Variants in CLASP1 observed in about 807,000 individuals in gnomAD.
The protein encoded by CLASP1 is cytoplasmic linker associated protein 1.
A neutral mutation model predicts 192.3 loss-of-function variants in CLASP1; 38 were observed. The observed-to-expected ratio is 0.20, with a 90% CI of 0.15 to 0.26. The LOEUF (loss-of-function observed/expected upper bound fraction) is 0.26, where lower values mean the gene tolerates loss of function less well. Ranked by LOEUF, CLASP1 falls within the 10% of genes least tolerant of loss-of-function variation. The pLI, the probability that CLASP1 is intolerant of heterozygous loss-of-function variation, is 1.00. For synonymous variants in CLASP1, 691 were observed against 712.8 expected, an observed-to-expected ratio of 0.97 and a Z score of 0.49; for missense variants, 1,433 against 1,932.5, an observed-to-expected ratio of 0.74 and a Z score of 4.85.
intron 34 of CLASP1, among the ~76,000 whole-genome samples, chr2:121,371,385 C>A (rs1457476989): frequency 6.6e-6 from 1 of 151,894 alleles, no homozygotes. Flanking sequence ...GTGCACACCA[C>A]CACATCTAGA....
chr2:121,490,426 A>G, intron 8 of CLASP1: 1 of 274,178 alleles, frequency 3.6e-6, no homozygotes, highest in Non-Finnish European at 7.3e-6. Context: ...CTGCCACCCT[A>G]TTCCAAAATA....
At chr2:121,491,442 C>T (rs1016270371) in intron 8 of CLASP1, among the ~76,000 whole-genome samples, 3 of 152,154 alleles carry the variant, frequency 2.0e-5, no homozygotes, top group Non-Finnish European at 2.9e-5. Flanking sequence ...TCAATCAAAT[C>T]CAATTAAAGA....
chr2:121,565,429 G>A (rs368174819), intron 2 of CLASP1, among the ~76,000 whole-genome samples: 1 of 152,208 alleles, frequency 6.6e-6, no homozygotes, highest in East Asian at 1.9e-4. Context: ...CACTATCACA[G>A]CCCCATGCAG....
intron 22 of CLASP1, among the ~76,000 whole-genome samples, chr2:121,423,301 C>G (rs1049982478): frequency 6.6e-6 from 1 of 152,084 alleles, no homozygotes; most frequent in Non-Finnish European, 1.5e-5. Flanking sequence ...TGGAAGGGAA[C>G]AGGCTTAAGT....
intron 30 of CLASP1, among the ~76,000 whole-genome samples, chr2:121,395,059 T>C (rs921254156): frequency 1.4e-4 from 22 of 151,964 alleles, no homozygotes; most frequent in South Asian, 8.3e-4. Flanking sequence ...CCGTTGACAA[T>C]GAGGAAGGAA....
intron 2 of CLASP1, among the ~76,000 whole-genome samples, chr2:121,578,726 CA>C (rs3980092): frequency 0.012 from 1,270 of 105,736 alleles, 12 homozygotes; most frequent in East Asian, 0.034. Context: ...GACTCCGTCT[CA>C]AAAAAAAAAA....
chr2:121,431,390 G>A (rs1025186161), intron 19 of CLASP1, among the ~76,000 whole-genome samples: 4 of 152,052 alleles, frequency 2.6e-5, no homozygotes, highest in African/African-American at 9.7e-5. Context: ...CCATTTTACA[G>A]ATGAGAAAAC....
At chr2:121,496,363 G>C (rs780994692) in intron 8 of CLASP1, among the ~76,000 whole-genome samples, 1 of 152,156 alleles carries the variant, frequency 6.6e-6, no homozygotes, top group Admixed American at 6.5e-5. Flanking sequence ...CTGCCCAAGA[G>C]GTCATTGAGG....
At chr2:121,507,598 T>C (rs531248557) in intron 7 of CLASP1, among the ~76,000 whole-genome samples, 1 of 152,020 alleles carries the variant, frequency 6.6e-6, no homozygotes, top group Non-Finnish European at 1.5e-5. Flanking sequence ...CGTTGAAAAA[T>C]TATCAAAAAA....
intron 30 of CLASP1, among the ~76,000 whole-genome samples, chr2:121,390,502 TG>T (rs2074151426): frequency 6.6e-6 from 1 of 152,112 alleles, no homozygotes; most frequent in African/African-American, 2.4e-5. Flanking sequence ...ATTTGAGAGG[TG>T]GGGTTTGTAA....
At chr2:121,585,686 T>C (rs1285849726) in intron 2 of CLASP1, among the ~76,000 whole-genome samples, 1 of 152,034 alleles carries the variant, frequency 6.6e-6, no homozygotes, top group African/African-American at 2.4e-5. Context: ...GATCACGAGG[T>C]CAAGAGATCG....
chr2:121,388,038 A>C (rs2149385776), intron 30 of CLASP1, 132 bp from the exon 32 acceptor site: 1 of 626,290 alleles, frequency 1.6e-6, no homozygotes, highest in East Asian at 2.8e-5. Context: ...AAAAACAAAA[A>C]AGCATCTGAA....
At chr2:121,517,361 T>C (rs1214707700) in intron 6 of CLASP1, among the ~76,000 whole-genome samples, 1 of 152,192 alleles carries the variant, frequency 6.6e-6, no homozygotes, top group African/African-American at 2.4e-5. Context: ...CAATTTGAAA[T>C]ACTGAAGGGA....
intron 8 of CLASP1, among the ~76,000 whole-genome samples, chr2:121,490,088 TG>T (rs2093218044): frequency 6.6e-6 from 1 of 152,186 alleles, no homozygotes; most frequent in Non-Finnish European, 1.5e-5. Flanking sequence ...AGGTTAACAT[TG>T]ATGTTTATTT....
chr2:121,420,241 G>A (rs1232707596), intron 22 of CLASP1, among the ~76,000 whole-genome samples: 1 of 152,152 alleles, frequency 6.6e-6, no homozygotes, highest in East Asian at 1.9e-4. Flanking sequence ...TTGCCAGAGT[G>A]ATGTGAAAGC....
At chr2:121,525,998 C>G (rs2094565388) in intron 5 of CLASP1, 78 bp from the exon 6 acceptor site, 6 of 974,542 alleles carry the variant, frequency 6.2e-6, no homozygotes, top group Non-Finnish European at 9.6e-6. Flanking sequence ...CACACCTGCC[C>G]TTCCCGTGTC....
intron 14 of CLASP1, among the ~76,000 whole-genome samples, chr2:121,455,675 C>T (rs1559269764): frequency 1.3e-5 from 2 of 152,126 alleles, no homozygotes; most frequent in African/African-American, 4.8e-5. Context: ...GCCTGGGCAA[C>T]ATGATAAGAC....
At chr2:121,417,454 GA>G (rs386391068) in intron 23 of CLASP1, among the ~76,000 whole-genome samples, 91 of 141,286 alleles carry the variant, frequency 6.4e-4, no homozygotes, top group South Asian at 6.7e-4. Context: ...AGTTCATTCA[GA>G]AAAAAAAAAA....
At chr2:121,638,578 C>T (rs1376456005) in intron 1 of CLASP1, among the ~76,000 whole-genome samples, 4 of 151,984 alleles carry the variant, frequency 2.6e-5, no homozygotes, top group East Asian at 1.9e-4. Flanking sequence ...AACAAGCCAA[C>T]GTCCACCAAC....
Sources: allele counts gnomAD v4.1 joint callset (sites outside exome capture counted in the v4.1 genomes callset), GRCh38; gene constraint gnomAD v4.1.1; transcripts MANE v1.5; gene names NCBI Gene and HGNC (gene_info 2026-07-23, HGNC 2026-07-21).